Variants in ARHGEF38 observed in about 807,000 individuals in gnomAD.
ARHGEF38 encodes Rho guanine nucleotide exchange factor (GEF) 38.
ARHGEF38 carries 79 observed loss-of-function variants against 79.9 expected under a neutral mutation model. That is an observed-to-expected ratio of 0.99 (90% CI 0.82 to 1.19). ARHGEF38 has a LOEUF of 1.19. Ranked by LOEUF, ARHGEF38 falls within the 50% of genes most tolerant of loss-of-function variation. The pLI, the probability that ARHGEF38 is intolerant of heterozygous loss-of-function variation, is 0.00. For synonymous variants in ARHGEF38, 366 were observed against 328.3 expected, an observed-to-expected ratio of 1.11 and a Z score of -1.24; for missense variants, 962 against 907.2, an observed-to-expected ratio of 1.06 and a Z score of -0.78.
At chr4:105,620,457 C>A (rs1578319331) in intron 3 of ARHGEF38, among the ~76,000 whole-genome samples, 1 of 152,108 alleles carries the variant, frequency 6.6e-6, no homozygotes, top group African/African-American at 2.4e-5. Context: ...CAGTGCCTAT[C>A]CCTAATTAAT....
chr4:105,647,094 A>G (rs1729874758), intron 6 of ARHGEF38, among the ~76,000 whole-genome samples: 1 of 152,150 alleles, frequency 6.6e-6, no homozygotes, highest in South Asian at 2.1e-4. Flanking sequence ...AAATGTTAAG[A>G]CTGGACAAGG....
In ARHGEF38 at chr4:105,557,598, TAA is replaced by T. The variant is rs61065334; in HGVS notation, c.196+4652_196+4653del. Among the ~76,000 whole-genome samples, 565 of 137,050 alleles carry T rather than the reference TAA, an allele frequency of 4.1e-3. 3 individuals are homozygous for T. Among genetic ancestry groups the T allele is most frequent in the South Asian group, 8.1e-3 (34 of 4,212 alleles). 89.9% of individuals were successfully genotyped at this position (137,050 alleles called of 152,430 possible). ...TTTGGTGAATGGGATTAGTGACCCT[TAA>T]AAAAAAAAAAAAAAGGCAAGAGAGA... On this transcript the variant is annotated intron_variant, in intron 1 of 13. Coordinates refer to ENST00000420470, the MANE Select transcript of ARHGEF38 (RefSeq NM_001242729.2).
At chr4:105,661,327 G>T (rs1216560511) in intron 10 of ARHGEF38, among the ~76,000 whole-genome samples, 3 of 151,818 alleles carry the variant, frequency 2.0e-5, no homozygotes, top group Non-Finnish European at 4.4e-5. Flanking sequence ...CATTTCTGTT[G>T]ATTATATACC....
intron 9 of ARHGEF38, among the ~76,000 whole-genome samples, chr4:105,658,414 A>G (rs2110562430): frequency 6.6e-6 from 1 of 152,282 alleles, no homozygotes; most frequent in South Asian, 2.1e-4. Context: ...TTAATTAATT[A>G]ATTAAAAATA....
chr4:105,627,750 A>G (rs188232911), intron 3 of ARHGEF38, among the ~76,000 whole-genome samples: 16 of 152,240 alleles, frequency 1.1e-4, no homozygotes, highest in African/African-American at 3.9e-4. Context: ...AAACCCACAT[A>G]CATTAGACAG....
intron 2 of ARHGEF38, among the ~76,000 whole-genome samples, chr4:105,596,977 A>C (rs1181945978): frequency 1.3e-5 from 2 of 152,002 alleles, no homozygotes. Flanking sequence ...GCCTAGATGC[A>C]CTCTCTGAGA....
At chr4:105,555,055 T>TA (rs1725189284) in intron 1 of ARHGEF38, among the ~76,000 whole-genome samples, 1 of 152,166 alleles carries the variant, frequency 6.6e-6, no homozygotes, top group South Asian at 2.1e-4. Flanking sequence ...TAAATTTTCC[T>TA]AAAAAAATAA....
intron 8 of ARHGEF38, 101 bp from the exon 9 acceptor site, chr4:105,655,502 G>T: frequency 8.3e-7 from 1 of 1,199,514 alleles, no homozygotes; most frequent in Non-Finnish European, 1.1e-6. Flanking sequence ...TAACCTCTCA[G>T]TGATAATTAA....
At chr4:105,602,227 C>T (rs1404569756) in intron 2 of ARHGEF38, among the ~76,000 whole-genome samples, 1 of 152,070 alleles carries the variant, frequency 6.6e-6, no homozygotes, top group African/African-American at 2.4e-5. Flanking sequence ...GAGTTAATTC[C>T]TTTTGATAGT....
intron 5 of ARHGEF38, among the ~76,000 whole-genome samples, chr4:105,638,122 G>A (rs1366723978): frequency 6.6e-6 from 1 of 152,152 alleles, no homozygotes; most frequent in African/African-American, 2.4e-5. Flanking sequence ...GGCCAGCAAT[G>A]TTGCAGCCAA....
intron 2 of ARHGEF38, among the ~76,000 whole-genome samples, chr4:105,592,675 C>A (rs921924480): frequency 2.0e-5 from 3 of 152,098 alleles, no homozygotes; most frequent in African/African-American, 7.2e-5. Flanking sequence ...CTACTGGGGC[C>A]CCCAGTAATG....
Position 105,680,634 on chromosome 4 carries a change from A to G in ARHGEF38, c.*2697A>G, listed in dbSNP as rs1221584431. On this transcript the variant is annotated 3_prime_UTR_variant, in exon 14 of 14. Transcript: ENST00000420470. ...TGAGACAATTTAAACTCTAATACCA[A>G]ATATACCTCTATAAAATACCAAACT... 1 of 152,780 alleles carries G rather than the reference A, an allele frequency of 6.5e-6. No homozygotes were observed. The highest frequency in any genetic ancestry group is 1.5e-5 in the Non-Finnish European group (1 of 68,506). The allele number at this position is 152,780 out of a possible 1,614,324, so 9.5% of individuals were successfully genotyped here. A position where few individuals can be genotyped will look rare whatever the true frequency, so the allele number is the denominator to read the frequency against.
At chr4:105,664,388 A>G (rs1276693877) in intron 10 of ARHGEF38, among the ~76,000 whole-genome samples, 1 of 152,170 alleles carries the variant, frequency 6.6e-6, no homozygotes, top group African/African-American at 2.4e-5. Flanking sequence ...TTACCTTCAT[A>G]TTTAAAAATA....
At chr4:105,573,331 A>G (rs973793399) in intron 1 of ARHGEF38, among the ~76,000 whole-genome samples, 4 of 152,090 alleles carry the variant, frequency 2.6e-5, no homozygotes, top group Admixed American at 2.6e-4. Flanking sequence ...AATATCATGA[A>G]ATTTTTGCCC....
Position 105,659,215 on chromosome 4 carries a change from G to GT in ARHGEF38, c.1396dup (p.Tyr466LeufsTer2). 1 of 1,536,140 alleles carries GT rather than the reference G, an allele frequency of 6.5e-7. No individual in the cohort carries two copies. The highest frequency in any genetic ancestry group is 8.7e-7 in the Non-Finnish European group (1 of 1,146,880). On this transcript the variant is annotated frameshift_variant, in exon 10 of 14. Transcript: ENST00000420470. LOFTEE classifies it high-confidence loss of function. ...AGGAGTCAGACTTGGCCAAAAAGGA[G>GT]TATGAGGCCCTCAACGCCCAGCTTG...
chr4:105,621,937 T>C (rs1290292042), intron 3 of ARHGEF38, among the ~76,000 whole-genome samples: 3 of 152,028 alleles, frequency 2.0e-5, no homozygotes, highest in African/African-American at 7.3e-5. Context: ...GCTGTCCGCT[T>C]TGGAGAAAAT....
At chr4:105,641,661 CT>C (rs199924283) in intron 5 of ARHGEF38, among the ~76,000 whole-genome samples, 2,725 of 151,610 alleles carry the variant, frequency 0.018, 67 homozygotes, top group African/African-American at 0.06. Context: ...CATAATTATT[CT>C]TTTTTTTATG....
At chr4:105,589,513 A>T in intron 2 of ARHGEF38, 78 bp downstream of exon 2, 1 of 1,286,950 alleles carries the variant, frequency 7.8e-7, no homozygotes, top group Non-Finnish European at 1.1e-6. Flanking sequence ...TGAAGCACTC[A>T]GGTGTATCAA....
chr4:105,678,086 C>G lies in ARHGEF38; in HGVS notation c.*149C>G. The G allele has an allele frequency of 1.8e-6, 1 of 547,646 alleles. No individual in the cohort carries two copies. The highest frequency in any genetic ancestry group is 3.0e-6 in the Non-Finnish European group (1 of 333,564). The allele number at this position is 547,646 out of a possible 1,614,324, so 33.9% of individuals were successfully genotyped here. A position where few individuals can be genotyped will look rare whatever the true frequency, so the allele number is the denominator to read the frequency against. ...TGGGTTTTCAGGAATACTGTACTTCCTAACAGGATTATTGCATGAATGTAT... is the reference window on the plus strand; with the variant it reads ...TGGGTTTTCAGGAATACTGTACTTCGTAACAGGATTATTGCATGAATGTAT... On this transcript the variant is annotated 3_prime_UTR_variant, in exon 14 of 14. Coordinates refer to ENST00000420470, the MANE Select transcript of ARHGEF38 (RefSeq NM_001242729.2).
Sources: gnomAD v4.1 joint callset for allele counts (sites outside exome capture counted in the v4.1 genomes callset) on GRCh38, gnomAD v4.1.1 for gene constraint, MANE v1.5 for transcripts, NCBI Gene and HGNC (gene_info 2026-07-23, HGNC 2026-07-21) for gene names.